The following NXN variants were observed in gnomAD, a reference collection of about 807,000 sequenced individuals.
NXN encodes nucleoredoxin 1.
A neutral mutation model predicts 48.6 loss-of-function variants in NXN; 16 were observed. The observed-to-expected ratio is 0.33, with a 90% CI of 0.22 to 0.50. NXN has a LOEUF of 0.50. Ranked by LOEUF, NXN falls within the 20% of genes least tolerant of loss-of-function variation. NXN has a pLI of 0.98. For missense variants in NXN, 492 were observed against 605.5 expected, an observed-to-expected ratio of 0.81 and a Z score of 1.97; for synonymous variants, 281 against 269.6, an observed-to-expected ratio of 1.04 and a Z score of -0.41.
rs550212525 is a variant in NXN at position 830,385 on chromosome 17, C to T, written c.361-4307G>A. Among the ~76,000 whole-genome samples, 2 of 151,952 alleles carry T rather than the reference C, an allele frequency of 1.3e-5. No homozygotes were observed. The highest frequency in any genetic ancestry group is 1.9e-4 in the East Asian group (1 of 5,172). ...GAGAAGTAACAGAAAGAAAACAGGG[C>T]GGGTAAGATCACGGCTGCAACTGGG... On this transcript the variant is annotated intron_variant, in intron 1 of 7. Coordinates refer to ENST00000336868, the MANE Select transcript of NXN (RefSeq NM_022463.5). The surrounding 1 kb of genome is among the most constrained non-coding windows in gnomAD (Gnocchi z 4.2).
intron 1 of NXN, among the ~76,000 whole-genome samples, chr17:939,044 C>A (rs367709490): frequency 1.4e-4 from 21 of 151,586 alleles, no homozygotes; most frequent in African/African-American, 4.6e-4. Flanking sequence ...AAGGGTGAGA[C>A]TCCCTCTCAA....
intron 1 of NXN, among the ~76,000 whole-genome samples, chr17:891,431 A>G (rs2068415699): frequency 6.6e-6 from 1 of 152,204 alleles, no homozygotes; most frequent in South Asian, 2.1e-4. Flanking sequence ...CACATTTAGC[A>G]TCCATATCTG....
At chr17:922,408 C>T (rs1487181782) in intron 1 of NXN, among the ~76,000 whole-genome samples, 3 of 152,090 alleles carry the variant, frequency 2.0e-5, no homozygotes, top group East Asian at 2.0e-4. Context: ...CGTGCCACTG[C>T]ACTCCAGCCT....
intron 1 of NXN, among the ~76,000 whole-genome samples, chr17:858,008 C>T (rs925763086): frequency 6.9e-6 from 1 of 145,042 alleles, no homozygotes; most frequent in African/African-American, 2.6e-5. Context: ...CTCGCTCTGT[C>T]GCCCCAGGCT....
intron 1 of NXN, among the ~76,000 whole-genome samples, chr17:829,293 TTA>T (rs1256006591): frequency 4.6e-5 from 7 of 151,768 alleles, no homozygotes; most frequent in African/African-American, 1.7e-4. Context: ...GTAGCTGGGA[TTA>T]CAGGCATGCA....
chr17:949,942 G>A (rs1467793395), intron 1 of NXN, among the ~76,000 whole-genome samples: 5 of 152,106 alleles, frequency 3.3e-5, no homozygotes, highest in South Asian at 2.1e-4. Context: ...GGGGGCTAAC[G>A]GTCAATGCCA....
intron 5 of NXN, among the ~76,000 whole-genome samples, chr17:812,828 G>T (rs769619314): frequency 6.6e-6 from 1 of 151,028 alleles, no homozygotes; most frequent in Non-Finnish European, 1.5e-5. Context: ...GTGCGAGTGT[G>T]CATGTGTGAG....
At chr17:924,207 T>C (rs1339855138) in intron 1 of NXN, among the ~76,000 whole-genome samples, 2 of 149,940 alleles carry the variant, frequency 1.3e-5, no homozygotes, top group African/African-American at 4.9e-5. Flanking sequence ...CAAACCCGAC[T>C]AATTTTTTAT....
At chr17:881,572 A>C (rs765194651) in intron 1 of NXN, among the ~76,000 whole-genome samples, 16 of 152,100 alleles carry the variant, frequency 1.1e-4, no homozygotes, top group Non-Finnish European at 2.1e-4. Flanking sequence ...TATGAAGGTA[A>C]ATGTTCATTT....
chr17:846,542 G>A, intron 1 of NXN, among the ~76,000 whole-genome samples: 1 of 152,126 alleles, frequency 6.6e-6, no homozygotes. Flanking sequence ...CAGTCGCCAT[G>A]AGAGCACACC....
chr17:875,486 T>C (rs1448595430), intron 1 of NXN, among the ~76,000 whole-genome samples: 4 of 152,210 alleles, frequency 2.6e-5, no homozygotes, highest in Non-Finnish European at 4.4e-5. Flanking sequence ...AATTCAAACC[T>C]GGGTCTCTTA....
intron 5 of NXN, among the ~76,000 whole-genome samples, chr17:817,248 C>A (rs1464233857): frequency 6.6e-6 from 1 of 152,178 alleles, no homozygotes; most frequent in Non-Finnish European, 1.5e-5. Flanking sequence ...ATTTTCAGAT[C>A]TCCAGGTGAT....
rs764805081 is a variant in NXN at position 978,287 on chromosome 17, T to G, written c.360+1032A>C. 14 of 152,206 alleles carry G rather than the reference T, an allele frequency of 9.2e-5. No individual in the cohort carries two copies. The highest frequency in any genetic ancestry group is 1.3e-4 in the Non-Finnish European group (9 of 68,058). 9.4% of individuals were successfully genotyped at this position (152,206 alleles called of 1,614,324 possible). A position where few individuals can be genotyped will look rare whatever the true frequency, so the allele number is the denominator to read the frequency against. On this transcript the variant is annotated intron_variant, in intron 1 of 7. Coordinates refer to ENST00000336868, the MANE Select transcript of NXN (RefSeq NM_022463.5). This position sits in a 1 kb window ranked among gnomAD's most constrained non-coding sequence, Gnocchi z 4.1. ...ACGAAGCAACAGCGCTCCAAAACTT[T>G]TTCTGACTCCATTCATTACAAAATG... is the stretch of plus-strand genomic sequence containing the variant.
intron 1 of NXN, among the ~76,000 whole-genome samples, chr17:835,099 G>C (rs188174181): frequency 1.3e-5 from 2 of 151,216 alleles, no homozygotes; most frequent in Admixed American, 6.6e-5. Context: ...ACAAGGTCAG[G>C]AGATCGAGAC....
Position 854,590 on chromosome 17 carries a change from G to A in NXN, c.361-28512C>T, listed in dbSNP as rs865808222. Among the ~76,000 whole-genome samples the A allele has an allele frequency of 5.3e-5, 8 of 150,256 alleles. No homozygotes were observed. In the Admixed American group the frequency reaches 5.3e-4, roughly 10 times the overall value. ...GAATGGCATGAACCCGAGAGGAGGA[G>A]CTTGCAGTGAGCTGAGATTGCACCA... On this transcript the variant is annotated intron_variant, in intron 1 of 7. Coordinates refer to ENST00000336868, the MANE Select transcript of NXN (RefSeq NM_022463.5).
intron 1 of NXN, among the ~76,000 whole-genome samples, chr17:843,238 A>T (rs1914481292): frequency 6.6e-6 from 1 of 152,190 alleles, no homozygotes; most frequent in African/African-American, 2.4e-5. Flanking sequence ...TGGCGTGGGG[A>T]GTCCGGTTCC....
chr17:857,767 C>T (rs946160048), intron 1 of NXN, among the ~76,000 whole-genome samples: 3 of 152,096 alleles, frequency 2.0e-5, no homozygotes, highest in Non-Finnish European at 4.4e-5. Flanking sequence ...AATTCTTCAC[C>T]GATACCTGGT....
chr17:809,597 G>A (rs1911791415), intron 5 of NXN, among the ~76,000 whole-genome samples: 1 of 152,196 alleles, frequency 6.6e-6, no homozygotes, highest in Admixed American at 6.5e-5. Context: ...GAGGCAGCCA[G>A]GAGGAATTAC....
chr17:823,604 C>T, intron 3 of NXN, 28 bp downstream of exon 3: 2 of 1,613,328 alleles, frequency 1.2e-6, no homozygotes, highest in Non-Finnish European at 1.7e-6. Context: ...TTCCTTCTGT[C>T]TGAGCCAAAG....
Sources: gnomAD v4.1 joint callset for allele counts (sites outside exome capture counted in the v4.1 genomes callset) on GRCh38, gnomAD v4.1.1 for gene constraint, Gnocchi (gnomAD v3.1) non-coding constraint, MANE v1.5 for transcripts, NCBI Gene and HGNC (gene_info 2026-07-23, HGNC 2026-07-21) for gene names.